SFTPC: variants seen among roughly 807,000 people sequenced by gnomAD.
SFTPC encodes BRICHOS domain containing 6.
SFTPC carries 12 observed loss-of-function variants against 19.9 expected under a neutral mutation model. That is an observed-to-expected ratio of 0.60 (90% CI 0.39 to 0.98). The LOEUF (loss-of-function observed/expected upper bound fraction) is 0.98. Ranked by LOEUF, SFTPC falls within the 50% of genes least tolerant of loss-of-function variation. The probability of loss-of-function intolerance (pLI) is 0.00; values close to 1 mark genes in which losing one functional copy is unlikely to be tolerated. For missense variants in SFTPC, 219 were observed against 252.2 expected, an observed-to-expected ratio of 0.87 and a Z score of 0.89; for synonymous variants, 123 against 103.3, an observed-to-expected ratio of 1.19 and a Z score of -1.16.
rs761236918 is a variant in SFTPC at position 22,161,885 on chromosome 8, G to A, written c.42+15G>A. The A allele has an allele frequency of 2.9e-5, 47 of 1,613,102 alleles. No homozygotes were observed. Among genetic ancestry groups the A allele is most frequent in the South Asian group, 6.6e-5 (6 of 91,084 alleles). On this transcript the variant is annotated intron_variant, in intron 1 of 5. Coordinates refer to ENST00000679463, the MANE Select transcript of SFTPC (RefSeq NM_001317778.2). ...AGAGCCCGCCGGTGAGTGTGGTTGCGTGTGTGTATGTATGTGTGCGCGCGC... is the reference window on the plus strand; with the variant it reads ...AGAGCCCGCCGGTGAGTGTGGTTGCATGTGTGTATGTATGTGTGCGCGCGC...
chr8:22,162,835 A>G, intron 2 of SFTPC, 103 bp downstream of exon 2: 1 of 1,485,594 alleles, frequency 6.7e-7, no homozygotes, highest in Non-Finnish European at 9.3e-7. Flanking sequence ...GGAGGGGAGG[A>G]GGCAAGGGGC....
upstream of SFTPC, chr8:22,161,613 CAT>C: frequency 4.8e-6 from 7 of 1,468,224 alleles, no homozygotes; most frequent in Non-Finnish European, 6.3e-6. Context: ...CAAGAGGACT[CAT>C]GTGCCAGGGC....
At chr8:22,159,686 C>T (rs536140888), upstream of SFTPC, 19 of 856,130 alleles carry the variant, frequency 2.2e-5, no homozygotes, top group African/African-American at 3.1e-4. Context: ...GAAAGAGATC[C>T]CTCTCCCAGC....
rs1320098621 is a variant in SFTPC at position 22,162,697 on chromosome 8, A to G, written c.166A>G (p.Met56Val). The part of the protein sequence containing the change: ...IVVVIVGALL[M>V]GLHMSQKHTE... ...CGTGGTGATTGTGGGAGCCCTGCTC[A>G]TGGGTCTCCACATGAGCCAGAAACA... The change falls in exon 2 of 6, where the codon ATG becomes GTG. Residue 56 changes from methionine (M) to valine (V), a missense_variant. Met to Val is a conservative substitution (Grantham distance 21). Transcript: ENST00000679463. 6.2e-7 allele frequency: 1 copy of G among 1,614,186 alleles called. No individual in the cohort carries two copies. Among genetic ancestry groups the G allele is most frequent in the Non-Finnish European group, 8.5e-7 (1 of 1,180,024 alleles).
At chr8:22,159,974 C>T (rs1248028451), upstream of SFTPC, 3 of 536,880 alleles carry the variant, frequency 5.6e-6, no homozygotes, top group Non-Finnish European at 6.0e-6. Context: ...CACCTGCACA[C>T]AGCTGAGGCC....
intron 1 of SFTPC, among the ~76,000 whole-genome samples, chr8:22,162,071 T>C (rs1161308085): frequency 1.3e-5 from 2 of 151,774 alleles, no homozygotes; most frequent in African/African-American, 4.8e-5. Flanking sequence ...CAAGAGCCAC[T>C]ATAGGGGTCC....
At chr8:22,158,651 T>A (rs887741367), upstream of SFTPC, 1 of 152,270 alleles carries the variant, frequency 6.6e-6, no homozygotes, top group Non-Finnish European at 1.5e-5. Context: ...ACACCCATGA[T>A]GCTATTAGGT....
chr8:22,163,182 G>C lies in SFTPC; in HGVS notation c.304G>C (p.Val102Leu). Residue 102 changes from valine to leucine, a missense_variant, in exon 3 of 6, where the codon GTG becomes CTG. Val to Leu is a conservative substitution (Grantham distance 32). Coordinates refer to ENST00000679463, the MANE Select transcript of SFTPC (RefSeq NM_001317778.2). ...CTTCTCCATCGGCTCCACTGGCCTC[G>C]TGGTGTATGACTACCAGCAGGTGGG... ...ATFSIGSTGL[V>L]VYDYQQLLIA... 6.2e-7 allele frequency: 1 copy of C among 1,614,194 alleles called. No individual in the cohort carries two copies. Among genetic ancestry groups the C allele is most frequent in the Non-Finnish European group, 8.5e-7 (1 of 1,180,038 alleles).
intron 4 of SFTPC, 173 bp downstream of exon 4, chr8:22,163,719 G>A (rs1410703593): frequency 2.5e-6 from 2 of 805,950 alleles, no homozygotes; most frequent in Admixed American, 2.0e-5. Context: ...CCACTGCCAA[G>A]CTGCTGGGCT....
At chr8:22,159,087 A>AT (rs1443294893), upstream of SFTPC, 3 of 152,350 alleles carry the variant, frequency 2.0e-5, no homozygotes, top group Admixed American at 1.3e-4. Context: ...AGCAGGTGCC[A>AT]TTGGCTCTTG....
chr8:22,161,765 A>G (rs758318330), upstream of SFTPC: 9 of 1,613,780 alleles, frequency 5.6e-6, no homozygotes, highest in Non-Finnish European at 7.6e-6. Context: ...CTCCCTACGG[A>G]CACATATAAG....
intron 4 of SFTPC, 104 bp downstream of exon 4, chr8:22,163,650 T>C (rs547997358): frequency 9.2e-6 from 8 of 872,914 alleles, no homozygotes; most frequent in African/African-American, 6.5e-5. Flanking sequence ...CTGTTCCTCA[T>C]TGGCTGCCAG....
intron 4 of SFTPC, 28 bp from the exon 5 acceptor site, chr8:22,163,873 T>C: frequency 1.3e-6 from 2 of 1,591,022 alleles, no homozygotes; most frequent in South Asian, 1.1e-5. Flanking sequence ...ACTCACTTCC[T>C]ACATTCCAGA....
chr8:22,162,543 G>A (rs777039901), intron 1 of SFTPC, 31 bp from the exon 2 acceptor site: 25 of 1,612,404 alleles, frequency 1.6e-5, no homozygotes, highest in Non-Finnish European at 2.0e-5. Context: ...ATGACCTCAT[G>A]CCTGTCTCCT....
At chr8:22,162,772 G>T (rs758154087) in intron 2 of SFTPC, 40 bp downstream of exon 2, 8 of 1,612,210 alleles carry the variant, frequency 5.0e-6, no homozygotes, top group Non-Finnish European at 5.9e-6. Context: ...CACAGGACAT[G>T]CCAGACAGCG....
upstream of SFTPC, among the ~76,000 whole-genome samples, chr8:22,159,312 A>T (rs1033375807): frequency 2.6e-5 from 4 of 152,140 alleles, no homozygotes; most frequent in Admixed American, 2.0e-4. Context: ...ATAAAATAAA[A>T]ATAAAACCGG....
At chr8:22,160,861 C>G (rs941502202), upstream of SFTPC, among the ~76,000 whole-genome samples, 2 of 152,154 alleles carry the variant, frequency 1.3e-5, no homozygotes, top group Non-Finnish European at 2.9e-5. Flanking sequence ...GGAGACAGTC[C>G]TCAAAGCTGA....
chr8:22,157,918 C>T (rs1827561075), upstream of SFTPC, among the ~76,000 whole-genome samples: 1 of 150,796 alleles, frequency 6.6e-6, no homozygotes, highest in African/African-American at 2.5e-5. Context: ...AATGTAATTT[C>T]TCAGTAAATA....
Position 22,164,371 on chromosome 8 carries a change from C to A in SFTPC, c.*124C>A, listed in dbSNP as rs1180657872. 5 of 1,534,828 alleles carry A rather than the reference C, an allele frequency of 3.3e-6. No individual in the cohort carries two copies. The highest frequency in any genetic ancestry group is 1.4e-5 in the African/African-American group (1 of 72,946). On this transcript the variant is annotated 3_prime_UTR_variant, in exon 6 of 6. Transcript: ENST00000679463. ...CTTCTGCCCACACCGCAGGGACAAGCCCTGGAGAAATGGGAGCTTGGGGAG... is the reference window on the plus strand; with the variant it reads ...CTTCTGCCCACACCGCAGGGACAAGACCTGGAGAAATGGGAGCTTGGGGAG...
Sources: allele counts gnomAD v4.1 joint callset (sites outside exome capture counted in the v4.1 genomes callset), GRCh38; gene constraint gnomAD v4.1.1; transcripts MANE v1.5; gene names NCBI Gene and HGNC (gene_info 2026-07-23, HGNC 2026-07-21).